CCSER2: variants seen among roughly 807,000 people sequenced by gnomAD.
The protein encoded by CCSER2 is serine-rich coiled-coil domain-containing protein 2.
Under a neutral mutation model 92.3 loss-of-function variants are expected in CCSER2, and 46 were observed. The observed-to-expected ratio is 0.50, with a 90% CI of 0.39 to 0.64. The LOEUF (loss-of-function observed/expected upper bound fraction) is 0.64, where lower values mean the gene tolerates loss of function less well. Ranked by LOEUF, CCSER2 falls within the 30% of genes least tolerant of loss-of-function variation. The pLI, the probability that CCSER2 is intolerant of heterozygous loss-of-function variation, is 0.00. For missense variants in CCSER2, 1,244 were observed against 1,238.9 expected (o/e 1.00, Z -0.06); for synonymous variants, 433 against 431.4 (o/e 1.00, Z -0.04).
chr10:84,338,301 A>AC (rs1843957775), intron 1 of CCSER2, among the ~76,000 whole-genome samples: 1 of 39,686 alleles, frequency 2.5e-5, no homozygotes, highest in African/African-American at 7.7e-5. Context: ...TAAAAAAAAA[A>AC]AAAACAAAAA....
intron 6 of CCSER2, among the ~76,000 whole-genome samples, chr10:84,457,285 AT>A (rs1440066540): frequency 0.021 from 1,683 of 79,326 alleles, 64 homozygotes; most frequent in Admixed American, 0.075. Context: ...TATATTATAT[AT>A]TATATATTAT....
chr10:84,366,373 A>G (rs1256928206), intron 1 of CCSER2, among the ~76,000 whole-genome samples: 1 of 152,218 alleles, frequency 6.6e-6, no homozygotes, highest in Non-Finnish European at 1.5e-5. Flanking sequence ...GAATTTACTT[A>G]AAAGTTGAGG....
intron 1 of CCSER2, among the ~76,000 whole-genome samples, chr10:84,342,979 TCTC>T (rs1382378862): frequency 6.6e-6 from 1 of 152,104 alleles, no homozygotes; most frequent in Non-Finnish European, 1.5e-5. Flanking sequence ...TTCAAGCAAT[TCTC>T]CTGCTTCAGC....
At chr10:84,346,885 A>T (rs1447123762) in intron 1 of CCSER2, among the ~76,000 whole-genome samples, 1 of 152,024 alleles carries the variant, frequency 6.6e-6, no homozygotes, top group East Asian at 1.9e-4. Flanking sequence ...CAGATAAACA[A>T]GTGAACAAAG....
intron 9 of CCSER2, among the ~76,000 whole-genome samples, chr10:84,503,323 A>G (rs901019282): frequency 1.3e-5 from 2 of 152,144 alleles, no homozygotes; most frequent in Non-Finnish European, 2.9e-5. Flanking sequence ...TCTTAAGTAT[A>G]TTACTAGTCT....
At chr10:84,367,022 T>G (rs970691656) in intron 1 of CCSER2, among the ~76,000 whole-genome samples, 12 of 152,186 alleles carry the variant, frequency 7.9e-5, no homozygotes, top group Non-Finnish European at 1.6e-4. Flanking sequence ...CCCCAGAGGC[T>G]CCAGCATTTC....
At position 84,347,388 on chromosome 10, in the gene CCSER2, C is replaced by T. The variant is rs577199764; in HGVS notation, c.-40+18580C>T. On this transcript the variant is annotated intron_variant, in intron 1 of 9. Transcript: ENST00000372088. Reference sequence around the variant, plus strand: ...GTGCCCCCCCACCTCCCGGACGGGGCGGCTGGCCGGGGAGGGGGGGTGCTG... The same window carrying T: ...GTGCCCCCCCACCTCCCGGACGGGGTGGCTGGCCGGGGAGGGGGGGTGCTG... 1.3e-4 allele frequency among the ~76,000 whole-genome samples: 20 copies of T among 149,796 alleles called. No individual in the cohort carries two copies. In the South Asian group the frequency reaches 1.5e-3, roughly 11 times the overall value.
intron 3 of CCSER2, among the ~76,000 whole-genome samples, chr10:84,376,843 T>C (rs1190120845): frequency 6.6e-6 from 1 of 152,112 alleles, no homozygotes; most frequent in East Asian, 1.9e-4. Flanking sequence ...TCTTGTCTAT[T>C]CTTGGTGCTT....
chr10:84,423,584 A>C (rs986288702), intron 4 of CCSER2, among the ~76,000 whole-genome samples: 6 of 152,164 alleles, frequency 3.9e-5, no homozygotes, highest in Admixed American at 2.0e-4. Flanking sequence ...TACTGTGTGG[A>C]TATCATTCAA....
At chr10:84,383,537 C>A (rs1213056703) in intron 3 of CCSER2, among the ~76,000 whole-genome samples, 1 of 152,034 alleles carries the variant, frequency 6.6e-6, no homozygotes, top group South Asian at 2.1e-4. Context: ...GTCTCGATCT[C>A]CTGACCTCAT....
chr10:84,389,376 C>T (rs1841399766), intron 3 of CCSER2: 2 of 516,624 alleles, frequency 3.9e-6, no homozygotes, highest in South Asian at 2.8e-5. Flanking sequence ...TTAATATTTT[C>T]CTGTTTCTTT....
chr10:84,362,537 G>T (rs898107713), intron 1 of CCSER2, among the ~76,000 whole-genome samples: 1 of 152,098 alleles, frequency 6.6e-6, no homozygotes, highest in Non-Finnish European at 1.5e-5. Context: ...TAAATTTCAG[G>T]AAGTAATATA....
intron 1 of CCSER2, among the ~76,000 whole-genome samples, chr10:84,340,626 C>G (rs548095103): frequency 5.6e-4 from 84 of 151,280 alleles, no homozygotes; most frequent in African/African-American, 2.0e-3. Flanking sequence ...TTTTTTCCTT[C>G]TCTGGTTTTT....
intron 3 of CCSER2, among the ~76,000 whole-genome samples, chr10:84,404,344 T>C (rs1384707168): frequency 6.6e-6 from 1 of 152,232 alleles, no homozygotes; most frequent in African/African-American, 2.4e-5. Context: ...AACAAAGTTG[T>C]TTAAGGAGTC....
At chr10:84,492,608 G>C (rs555449715) in intron 9 of CCSER2, among the ~76,000 whole-genome samples, 345 of 152,280 alleles carry the variant, frequency 2.3e-3, no homozygotes, top group Non-Finnish European at 2.7e-3. Flanking sequence ...ATCGATATTT[G>C]GGAGATGGTT....
At chr10:84,459,991 C>T (rs968367212) in intron 6 of CCSER2, among the ~76,000 whole-genome samples, 1 of 151,694 alleles carries the variant, frequency 6.6e-6, no homozygotes, top group Non-Finnish European at 1.5e-5. Context: ...AATTACATTG[C>T]TTTCTGACTA....
intron 3 of CCSER2, chr10:84,391,717 G>A (rs1172631403): frequency 6.7e-7 from 1 of 1,497,730 alleles, no homozygotes; most frequent in Non-Finnish European, 9.3e-7. Context: ...TTGGTTACGT[G>A]TGTCTTCAAG....
chr10:84,417,642 A>G (rs1270157264), intron 3 of CCSER2, 129 bp from the exon 4 acceptor site: 2 of 469,020 alleles, frequency 4.3e-6, no homozygotes, highest in South Asian at 4.6e-5. Context: ...AAACTTGAAA[A>G]CCTATTTTAT....
At chr10:84,469,780 G>A (rs1415410100) in intron 7 of CCSER2, among the ~76,000 whole-genome samples, 3 of 152,046 alleles carry the variant, frequency 2.0e-5, no homozygotes, top group African/African-American at 7.2e-5. Context: ...AATTGAGAAG[G>A]TGTTCTCTCT....
Sources: gnomAD v4.1 joint callset for allele counts (sites outside exome capture counted in the v4.1 genomes callset) on GRCh38, gnomAD v4.1.1 for gene constraint, MANE v1.5 for transcripts, NCBI Gene and HGNC (gene_info 2026-07-23, HGNC 2026-07-21) for gene names.